The following MBD5 variants were observed in gnomAD, a reference collection of about 807,000 sequenced individuals.
MBD5 encodes methyl-CpG binding domain protein 5.
Under a neutral mutation model 117.3 loss-of-function variants are expected in MBD5, and 13 were observed. The ratio of observed to expected loss-of-function variants is 0.11; its 90% confidence interval spans 0.07 to 0.18. The LOEUF (loss-of-function observed/expected upper bound fraction) is 0.18. Ranked by LOEUF, MBD5 falls within the 10% of genes least tolerant of loss-of-function variation. The probability of loss-of-function intolerance (pLI) is 1.00; values close to 1 mark genes in which losing one functional copy is unlikely to be tolerated. For missense variants in MBD5, 1,879 were observed against 2,093.8 expected (o/e 0.90, Z 2.00); for synonymous variants, 727 against 766.4 (o/e 0.95, Z 0.85).
intron 4 of MBD5, among the ~76,000 whole-genome samples, chr2:148,373,628 T>G (rs112759832): frequency 0.039 from 5,066 of 128,652 alleles, 256 homozygotes; most frequent in African/African-American, 0.13. Context: ...ATTGATGAAT[T>G]TAATATAAAT....
chr2:148,031,652 G>T (rs974700896), intron 1 of MBD5, among the ~76,000 whole-genome samples: 1 of 152,044 alleles, frequency 6.6e-6, no homozygotes, highest in East Asian at 1.9e-4. Context: ...AGTAGAGAAA[G>T]GGGGAAAAAT....
rs948275115 is a variant in MBD5, at chr2:148,047,186, A to G, written c.-925+25502A>G. Among the ~76,000 whole-genome samples, 5 of 152,156 alleles carry G rather than the reference A, an allele frequency of 3.3e-5. No homozygotes were observed. The East Asian group carries it at 9.6e-4, about 29-fold the overall frequency. On this transcript the variant is annotated intron_variant, in intron 1 of 13. Transcript: ENST00000642680. The stretch of plus-strand genomic sequence containing the variant: ...TCAATTTTCCCCTTCTTAGTTAATG[A>G]TGCACTCATTTAACTTTTATGATCA...
At position 148,469,652 on chromosome 2, in the gene MBD5, A is replaced by G. The variant is rs1277304345; in HGVS notation, c.1709A>G (p.Asn570Ser). ...MPLNQILNQHNAASFPASSLL... is the reference protein window; with the variant it reads ...MPLNQILNQHSAASFPASSLL... Reference sequence around the variant, plus strand: ...TTAAATCAGATCTTGAACCAGCACAATGCTGCCTCCTTTCCAGCAAGTAGT... The same window carrying G: ...TTAAATCAGATCTTGAACCAGCACAGTGCTGCCTCCTTTCCAGCAAGTAGT... The change falls in exon 8 of 14, where the codon AAT becomes AGT. Residue 570 changes from asparagine (N) to serine (S), a missense_variant. By Grantham distance (46) the Asn-to-Ser change is conservative. Transcript: ENST00000642680. 4.3e-6 allele frequency: 7 copies of G among 1,613,834 alleles called. No homozygotes were observed. The highest frequency in any genetic ancestry group is 5.9e-6 in the Non-Finnish European group (7 of 1,179,892).
At chr2:148,275,255 A>G (rs1172732724) in intron 3 of MBD5, among the ~76,000 whole-genome samples, 1 of 152,124 alleles carries the variant, frequency 6.6e-6, no homozygotes, top group Non-Finnish European at 1.5e-5. Context: ...TATTTCAGGA[A>G]AATTCCCAGT....
At chr2:148,412,809 C>T (rs528365966) in intron 4 of MBD5, among the ~76,000 whole-genome samples, 7 of 152,116 alleles carry the variant, frequency 4.6e-5, no homozygotes, top group Admixed American at 4.6e-4. Context: ...ATTTTGTGTC[C>T]TGAAACTTTG....
intron 1 of MBD5, among the ~76,000 whole-genome samples, chr2:148,141,700 G>A (rs1195857073): frequency 6.6e-6 from 1 of 152,016 alleles, no homozygotes; most frequent in Non-Finnish European, 1.5e-5. Flanking sequence ...GGCTAAGGTA[G>A]GAGGATCACT....
chr2:148,180,200 C>T (rs1325031144), intron 2 of MBD5, among the ~76,000 whole-genome samples: 1 of 150,952 alleles, frequency 6.6e-6, no homozygotes, highest in Non-Finnish European at 1.5e-5. Context: ...ATTTCTAATT[C>T]ATTTACATAG....
At chr2:148,507,287 T>C (rs558385411) in intron 12 of MBD5, among the ~76,000 whole-genome samples, 2 of 152,244 alleles carry the variant, frequency 1.3e-5, no homozygotes, top group Non-Finnish European at 2.9e-5. Flanking sequence ...AAAAATCTTT[T>C]ACCCATGACT....
rs1203250275 is a variant in MBD5 at position 148,489,896 on chromosome 2, A to G, written c.4264A>G (p.Ser1422Gly). The change falls in exon 11 of 14, where the codon AGT becomes GGT. Residue 1422 changes from serine (S) to glycine (G), a missense_variant. By Grantham distance (56) the Ser-to-Gly change is moderately conservative (BLOSUM62 0). Coordinates refer to ENST00000642680, the MANE Select transcript of MBD5 (RefSeq NM_001378120.1). ...GDGFEYFKSA[S>G]CHTSKKQWDG... is the part of the protein sequence containing the mutation. ...TGGGTTTGAATATTTCAAGTCAGCA[A>G]GTTGCCACACATCCAAAAAACAGTG... The G allele has an allele frequency of 6.2e-7, 1 of 1,614,080 alleles. No homozygotes were observed. The highest frequency in any genetic ancestry group is 8.5e-7 in the Non-Finnish European group (1 of 1,180,036).
At chr2:148,465,268 T>A (rs1457683268) in intron 7 of MBD5, among the ~76,000 whole-genome samples, 3 of 152,154 alleles carry the variant, frequency 2.0e-5, no homozygotes, top group Non-Finnish European at 2.9e-5. Context: ...GTTTGATTGC[T>A]TAGTTAAAAT....
At chr2:148,384,492 C>T (rs1487937894) in intron 4 of MBD5, among the ~76,000 whole-genome samples, 1 of 152,154 alleles carries the variant, frequency 6.6e-6, no homozygotes, top group Non-Finnish European at 1.5e-5. Context: ...ACATTCCATG[C>T]TCATGGATAG....
At position 148,228,959 on chromosome 2, in the gene MBD5, C is replaced by T. The variant is rs200312208; in HGVS notation, c.-830-4286C>T. Among the ~76,000 whole-genome samples, 6 of 152,040 alleles carry T rather than the reference C, an allele frequency of 3.9e-5. No homozygotes were observed. The East Asian group carries it at 1.2e-3, about 29-fold the overall frequency. ...TTCTGTGGGATCGCTGGTGATATCC[C>T]CTTTGTCATTTTTTATTGCGTCTAT... is the stretch of plus-strand genomic sequence containing the variant. On this transcript the variant is annotated intron_variant, in intron 2 of 13. Transcript: ENST00000642680.
intron 2 of MBD5, among the ~76,000 whole-genome samples, chr2:148,205,995 G>T (rs1699271168): frequency 6.6e-6 from 1 of 151,832 alleles, no homozygotes; most frequent in African/African-American, 2.4e-5. Flanking sequence ...ACAAAAATTA[G>T]CTGGTGGACC....
At chr2:148,128,422 CCAATGA>C (rs1218697133) in intron 1 of MBD5, among the ~76,000 whole-genome samples, 1 of 152,020 alleles carries the variant, frequency 6.6e-6, no homozygotes, top group East Asian at 1.9e-4. Context: ...CATCCTGAAC[CCAATGA>C]CAAACAGTTG....
At chr2:148,128,325 C>G (rs966717721) in intron 1 of MBD5, among the ~76,000 whole-genome samples, 1 of 152,124 alleles carries the variant, frequency 6.6e-6, no homozygotes, top group Non-Finnish European at 1.5e-5. Context: ...ACATATATTA[C>G]TTTTTATGCA....
chr2:148,253,187 A>G (rs1319660969), intron 3 of MBD5, among the ~76,000 whole-genome samples: 5 of 152,198 alleles, frequency 3.3e-5, no homozygotes, highest in Non-Finnish European at 7.3e-5. Flanking sequence ...AGATTGTAAC[A>G]CCATCATCTT....
Position 148,483,761 on chromosome 2 carries a change from CT to C in MBD5, c.3173del (p.Leu1058TyrfsTer25). 2 of 1,550,584 alleles carry C rather than the reference CT, an allele frequency of 1.3e-6. No homozygotes were observed. Among genetic ancestry groups the C allele is most frequent in the South Asian group, 2.4e-5 (2 of 84,058 alleles). On this transcript the variant is annotated frameshift_variant, in exon 9 of 14. Transcript: ENST00000642680. LOFTEE classifies it high-confidence loss of function. ...ETLLTSPLGN[P>X]LPSFAGSDTT... Reference sequence around the variant, plus strand: ...CTTTTAACCAGCCCCCTGGGGAACCCTTTACCAAGCTTTGCAGGCAGTGACA... The same window carrying C: ...CTTTTAACCAGCCCCCTGGGGAACCCTTACCAAGCTTTGCAGGCAGTGACA...
intron 11 of MBD5, among the ~76,000 whole-genome samples, chr2:148,497,264 T>A (rs1025069256): frequency 6.6e-6 from 1 of 152,114 alleles, no homozygotes; most frequent in Non-Finnish European, 1.5e-5. Context: ...ACAAATGTAC[T>A]AGGCACTATT....
intron 2 of MBD5, among the ~76,000 whole-genome samples, chr2:148,211,988 A>G (rs1235096961): frequency 2.6e-5 from 4 of 152,134 alleles, no homozygotes; most frequent in Non-Finnish European, 4.4e-5. Context: ...GACTCAAGCA[A>G]TCTTCCTGCC....
Sources: allele counts gnomAD v4.1 joint callset (sites outside exome capture counted in the v4.1 genomes callset), GRCh38; gene constraint gnomAD v4.1.1; transcripts MANE v1.5; gene names NCBI Gene and HGNC (gene_info 2026-07-23, HGNC 2026-07-21).